NDRG3: variants seen among roughly 807,000 people sequenced by gnomAD.
The protein encoded by NDRG3 is NDRG family member 3, also known as protein NDRG3.
In NDRG3, 23 loss-of-function variants were observed where a neutral mutation model predicts 57.2. That is an observed-to-expected ratio of 0.40 (90% CI 0.29 to 0.57). The LOEUF is 0.57. Ranked by LOEUF, NDRG3 falls within the 20% of genes least tolerant of loss-of-function variation. The pLI, the probability that NDRG3 is intolerant of heterozygous loss-of-function variation, is 0.42. For missense variants in NDRG3, 384 were observed against 457.3 expected, an observed-to-expected ratio of 0.84 and a Z score of 1.46; for synonymous variants, 132 against 162.6, an observed-to-expected ratio of 0.81 and a Z score of 1.43.
At chr20:36,722,461 T>C (rs1396356404) in intron 1 of NDRG3, among the ~76,000 whole-genome samples, 1 of 152,254 alleles carries the variant, frequency 6.6e-6, no homozygotes, top group African/African-American at 2.4e-5. Context: ...AACAGATTAA[T>C]ACAATTAATA....
Position 36,687,486 on chromosome 20 carries a change from C to A in NDRG3, c.320+6G>T, listed in dbSNP as rs371900795. The stretch of plus-strand genomic sequence containing the variant: ...CGTCTCCCAGATGATCTTTTCGTGG[C>A]CTTACCCTGTTGGGAAAGAGGGTGC... On this transcript the variant is annotated splice_donor_region_variant and intron_variant, in intron 5 of 15. Transcript: ENST00000349004. 2 of 1,612,570 alleles carry A rather than the reference C, an allele frequency of 1.2e-6. No homozygotes were observed. Among genetic ancestry groups the A allele is most frequent in the Non-Finnish European group, 1.7e-6 (2 of 1,179,606 alleles).
intron 9 of NDRG3, among the ~76,000 whole-genome samples, chr20:36,669,799 T>C (rs1025209425): frequency 2.0e-5 from 3 of 152,112 alleles, no homozygotes; most frequent in Admixed American, 2.0e-4. Context: ...AGTTTCACCA[T>C]GTTGGCCATG....
rs145726506 is a variant in NDRG3, at chr20:36,710,111, G to A, written c.58-3104C>T. ...GAGGCAGGCAGATCACTTGAGCTCA[G>A]GAGTTCAAGACCAGCCTAGGCAACA... On this transcript the variant is annotated intron_variant, in intron 2 of 15. Coordinates refer to ENST00000349004, the MANE Select transcript of NDRG3 (RefSeq NM_032013.4). Among the ~76,000 whole-genome samples the A allele has an allele frequency of 3.4e-3, 520 of 152,226 alleles. 7 individuals carry two copies. Among genetic ancestry groups the A allele is most frequent in the African/African-American group, 0.012 (504 of 41,538 alleles).
intron 1 of NDRG3, among the ~76,000 whole-genome samples, chr20:36,738,342 A>G (rs1985714921): frequency 6.6e-6 from 1 of 151,526 alleles, no homozygotes; most frequent in African/African-American, 2.4e-5. Context: ...TAAAAATACA[A>G]AAATTAGCCA....
intron 1 of NDRG3, among the ~76,000 whole-genome samples, chr20:36,736,422 G>A (rs1193495732): frequency 3.3e-5 from 5 of 152,190 alleles, no homozygotes; most frequent in African/African-American, 1.2e-4. Context: ...AATTCACACA[G>A]CCAGCTAGGT....
chr20:36,664,134 A>T (rs1323596137), intron 12 of NDRG3, among the ~76,000 whole-genome samples: 1 of 152,124 alleles, frequency 6.6e-6, no homozygotes, highest in Non-Finnish European at 1.5e-5. Flanking sequence ...GCAAAATCAG[A>T]ATTAATATGA....
chr20:36,733,171 A>AT (rs57063755), intron 1 of NDRG3, among the ~76,000 whole-genome samples: 14 of 33,138 alleles, frequency 4.2e-4, no homozygotes, highest in East Asian at 2.7e-3. Context: ...AAAAAAAAAA[A>AT]ATATATATAT....
chr20:36,660,463 T>C (rs1979075503), intron 12 of NDRG3, 79 bp from the exon 13 acceptor site: 6 of 1,034,450 alleles, frequency 5.8e-6, no homozygotes, highest in Non-Finnish European at 8.9e-6. Flanking sequence ...ATGAGAATCA[T>C]CTTGCAAGAT....
intron 6 of NDRG3, among the ~76,000 whole-genome samples, chr20:36,683,014 G>A (rs575478689): frequency 3.4e-4 from 51 of 151,062 alleles, no homozygotes; most frequent in Non-Finnish European, 6.3e-4. Flanking sequence ...AGGCCGAGGC[G>A]AGCGGATCAC....
chr20:36,659,766 A>T (rs1978994973), intron 13 of NDRG3, among the ~76,000 whole-genome samples: 1 of 151,638 alleles, frequency 6.6e-6, no homozygotes, highest in Non-Finnish European at 1.5e-5. Context: ...ATGCCCAGTT[A>T]ATTTTTGTAT....
At chr20:36,673,552 T>C (rs1980371739) in intron 8 of NDRG3, among the ~76,000 whole-genome samples, 1 of 152,064 alleles carries the variant, frequency 6.6e-6, no homozygotes, top group African/African-American at 2.4e-5. Context: ...AACACAGGCG[T>C]GCACCACCAC....
intron 3 of NDRG3, among the ~76,000 whole-genome samples, chr20:36,691,648 G>A (rs1982273705): frequency 6.6e-6 from 1 of 152,160 alleles, no homozygotes; most frequent in Non-Finnish European, 1.5e-5. Context: ...GGGAGGCAGA[G>A]GTTACAGTGA....
intron 12 of NDRG3, among the ~76,000 whole-genome samples, chr20:36,663,487 A>G (rs1181540195): frequency 6.6e-6 from 1 of 152,268 alleles, no homozygotes; most frequent in African/African-American, 2.4e-5. Context: ...ATAATTAGAC[A>G]TATGAAGAAC....
intron 2 of NDRG3, among the ~76,000 whole-genome samples, chr20:36,715,021 T>C (rs1280013412): frequency 1.1e-5 from 1 of 91,558 alleles, no homozygotes; most frequent in African/African-American, 6.9e-5. Context: ...TATATATATA[T>C]ATATATATAT....
chr20:36,739,456 G>GA (rs77545191), intron 1 of NDRG3, among the ~76,000 whole-genome samples: 39,738 of 113,808 alleles, frequency 0.35, 5,961 homozygotes, highest in Middle Eastern at 0.44. Context: ...CAAAAAAAAA[G>GA]AAAAAAAAAA....
chr20:36,721,019 A>G (rs1212328365), intron 2 of NDRG3, among the ~76,000 whole-genome samples: 2 of 150,222 alleles, frequency 1.3e-5, no homozygotes, highest in South Asian at 2.1e-4. Context: ...CAAGTGATCC[A>G]CCTGCCTTGG....
chr20:36,673,526 C>T (rs982555521), intron 8 of NDRG3, among the ~76,000 whole-genome samples: 6 of 151,984 alleles, frequency 3.9e-5, no homozygotes, highest in East Asian at 1.9e-4. Context: ...TCAACCTCAG[C>T]TCCCGAGTAG....
intron 1 of NDRG3, among the ~76,000 whole-genome samples, chr20:36,723,899 G>T (rs1471812469): frequency 6.6e-6 from 1 of 151,974 alleles, no homozygotes; most frequent in Non-Finnish European, 1.5e-5. Flanking sequence ...TAGAGACAGG[G>T]TTTCACCATG....
intron 1 of NDRG3, among the ~76,000 whole-genome samples, chr20:36,741,330 A>G (rs2094876923): frequency 6.6e-6 from 1 of 152,142 alleles, no homozygotes; most frequent in Non-Finnish European, 1.5e-5. Flanking sequence ...ACCAGCCTGC[A>G]AGCTTTAGCA....
Sources: gnomAD v4.1 joint callset for allele counts (sites outside exome capture counted in the v4.1 genomes callset) on GRCh38, gnomAD v4.1.1 for gene constraint, MANE v1.5 for transcripts, NCBI Gene and HGNC (gene_info 2026-07-23, HGNC 2026-07-21) for gene names.